The following TDG variants were observed in gnomAD, a reference collection of about 807,000 sequenced individuals.
TDG encodes G/T mismatch-specific thymine DNA glycosylase.
TDG carries 23 observed loss-of-function variants against 46.1 expected under a neutral mutation model. The ratio of observed to expected loss-of-function variants is 0.50; its 90% CI spans 0.36 to 0.71. The LOEUF (loss-of-function observed/expected upper bound fraction) is 0.71, where lower values mean the gene tolerates loss of function less well. Among genes scored for constraint, TDG ranks in the 30% least tolerant of loss-of-function variants. TDG has a pLI of 0.00. For missense variants in TDG, 304 were observed against 486.7 expected, an observed-to-expected ratio of 0.62 and a Z score of 3.53; for synonymous variants, 115 against 161.3, an observed-to-expected ratio of 0.71 and a Z score of 2.18.
intron 8 of TDG, among the ~76,000 whole-genome samples, chr12:103,985,350 A>C (rs558813316): frequency 6.6e-6 from 1 of 152,262 alleles, no homozygotes; most frequent in African/African-American, 2.4e-5. Flanking sequence ...GCACTTCTGC[A>C]GATAATTCAC....
At chr12:103,979,776 G>C (rs1340018105) in intron 2 of TDG, 55 bp from the exon 3 acceptor site, 1 of 1,525,600 alleles carries the variant, frequency 6.6e-7, no homozygotes, top group African/African-American at 1.4e-5. Flanking sequence ...TGGGAAAGCT[G>C]CTAAAGTTTC....
intron 3 of TDG, 143 bp downstream of exon 3, chr12:103,980,215 G>T: frequency 8.4e-7 from 1 of 1,195,456 alleles, no homozygotes; most frequent in Non-Finnish European, 1.2e-6. Flanking sequence ...GCTTCATGAG[G>T]TTGTGTTATA....
At chr12:103,984,385 G>A (rs1872003553) in intron 7 of TDG, among the ~76,000 whole-genome samples, 1 of 152,102 alleles carries the variant, frequency 6.6e-6, no homozygotes, top group African/African-American at 2.4e-5. Context: ...CCTGAGGTTA[G>A]GAGTTCGAGA....
intron 8 of TDG, 43 bp downstream of exon 8, chr12:103,984,963 A>C (rs11834169): frequency 1.4e-6 from 2 of 1,423,508 alleles, no homozygotes; most frequent in African/African-American, 2.9e-5. Context: ...TTGTGTGTGT[A>C]TATATACACA....
chr12:103,974,696 C>T (rs539963481), intron 1 of TDG, among the ~76,000 whole-genome samples: 9 of 152,054 alleles, frequency 5.9e-5, no homozygotes, highest in Admixed American at 2.0e-4. Flanking sequence ...TTTCGCTGGG[C>T]GCGGTGGCTC....
intron 1 of TDG, among the ~76,000 whole-genome samples, chr12:103,973,407 C>G (rs989561802): frequency 2.0e-5 from 3 of 152,034 alleles, no homozygotes; most frequent in African/African-American, 7.2e-5. Flanking sequence ...TTCTTTTGCT[C>G]GCTCATTTAT....
chr12:103,978,524 A>G (rs1008500728), intron 2 of TDG, among the ~76,000 whole-genome samples: 1 of 152,224 alleles, frequency 6.6e-6, no homozygotes, highest in African/African-American at 2.4e-5. Flanking sequence ...GCTACATGCC[A>G]GTGATGGTGG....
intron 5 of TDG, 79 bp from the exon 6 acceptor site, chr12:103,983,057 C>G: frequency 6.4e-7 from 1 of 1,550,428 alleles, no homozygotes; most frequent in Non-Finnish European, 8.7e-7. Context: ...TATGCTCTTT[C>G]ATTGAAAGCT....
intron 1 of TDG, among the ~76,000 whole-genome samples, chr12:103,970,999 T>A (rs929068163): frequency 2.0e-5 from 3 of 152,208 alleles, no homozygotes; most frequent in Non-Finnish European, 4.4e-5. Context: ...GGATGACAGC[T>A]ACTTACATAG....
chr12:103,966,630 T>G (rs1566176106), intron 1 of TDG, among the ~76,000 whole-genome samples: 1 of 146,418 alleles, frequency 6.8e-6, no homozygotes, highest in African/African-American at 2.5e-5. Flanking sequence ...GGGACGATCT[T>G]AAGAATCCGT....
At position 103,987,004 on chromosome 12, in the gene TDG, T is replaced by A; in HGVS notation, c.1147T>A (p.Trp383Arg). The A allele has an allele frequency of 6.2e-7, 1 of 1,614,290 alleles. No homozygotes were observed. Among genetic ancestry groups the A allele is most frequent in the Non-Finnish European group, 8.5e-7 (1 of 1,180,054 alleles). Reference protein sequence around the residue: ...SAFSGIPNGQWMTQSFTDQIP... With the variant: ...SAFSGIPNGQRMTQSFTDQIP... Reference sequence around the variant, plus strand: ...TTTCAGTGGCATTCCTAATGGGCAGTGGATGACCCAGTCATTTACAGACCA... The same window carrying A: ...TTTCAGTGGCATTCCTAATGGGCAGAGGATGACCCAGTCATTTACAGACCA... The change falls in exon 10 of 10, where the codon TGG becomes AGG. Residue 383 changes from tryptophan (W) to arginine (R), a missense_variant. Coordinates refer to ENST00000392872, the MANE Select transcript of TDG (RefSeq NM_003211.6).
chr12:103,986,448 G>A (rs186861889), intron 9 of TDG: 192 of 152,648 alleles, frequency 1.3e-3, no homozygotes, highest in African/African-American at 4.4e-3. Flanking sequence ...TGTAATCCCA[G>A]CAGTTTGAGA....
At chr12:103,974,691 C>A (rs895812304) in intron 1 of TDG, among the ~76,000 whole-genome samples, 3 of 152,128 alleles carry the variant, frequency 2.0e-5, no homozygotes, top group African/African-American at 7.2e-5. Context: ...ATGACTTTCG[C>A]TGGGCGCGGT....
chr12:103,978,124 T>A (rs1871628896), intron 2 of TDG, among the ~76,000 whole-genome samples: 1 of 152,030 alleles, frequency 6.6e-6, no homozygotes, highest in Admixed American at 6.6e-5. Flanking sequence ...TTAGATGGAT[T>A]AGAGACACTG....
At chr12:103,976,830 C>T in intron 1 of TDG, 88 bp from the exon 2 acceptor site, 1 of 1,496,928 alleles carries the variant, frequency 6.7e-7, no homozygotes, top group Non-Finnish European at 9.2e-7. Flanking sequence ...ATACTTAATA[C>T]TGTACTGAAG....
At chr12:103,979,109 C>CTTTTTTTTTTTTTTTTTTTTTT (rs372883902) in intron 2 of TDG, among the ~76,000 whole-genome samples, 1 of 123,604 alleles carries the variant, frequency 8.1e-6, no homozygotes, top group Non-Finnish European at 1.6e-5. Flanking sequence ...TTTTTTCTTT[C>CTTTTTTTTTTTTTTTTTTTTTT]TTTTTTTTTT....
At chr12:103,977,148 T>C (rs1054876436) in intron 2 of TDG, 88 bp downstream of exon 2, 1 of 1,524,026 alleles carries the variant, frequency 6.6e-7, no homozygotes, top group African/African-American at 1.4e-5. Context: ...TTAGCTCTAT[T>C]TTAGTGTTAA....
chr12:103,985,265 G>A (rs1405904243), intron 8 of TDG, among the ~76,000 whole-genome samples: 4 of 149,022 alleles, frequency 2.7e-5, no homozygotes, highest in Non-Finnish European at 4.4e-5. Flanking sequence ...AATTATATTC[G>A]CAGCCAGAGT....
At chr12:103,971,948 C>G (rs1423520220) in intron 1 of TDG, among the ~76,000 whole-genome samples, 2 of 152,092 alleles carry the variant, frequency 1.3e-5, no homozygotes, top group Non-Finnish European at 2.9e-5. Flanking sequence ...TTGTTACTGT[C>G]CTTCTCATAG....
Sources: gnomAD v4.1 joint callset for allele counts (sites outside exome capture counted in the v4.1 genomes callset) on GRCh38, gnomAD v4.1.1 for gene constraint, MANE v1.5 for transcripts, NCBI Gene and HGNC (gene_info 2026-07-23, HGNC 2026-07-21) for gene names.